Variants in NBEAL1 observed in about 807,000 individuals in gnomAD.
NBEAL1 encodes the protein neurobeachin-like protein 1.
NBEAL1 carries 273 observed loss-of-function variants against 351.3 expected under a neutral mutation model. The observed-to-expected ratio is 0.78, with a 90% confidence interval of 0.70 to 0.86. The LOEUF is 0.86. NBEAL1 is among the 40% of genes least tolerant of loss of function. NBEAL1 has a pLI of 0.00. For synonymous variants in NBEAL1, 1,050 were observed against 1,086.4 expected (o/e 0.97, Z 0.66); for missense variants, 2,961 against 3,201.3 (o/e 0.92, Z 1.81).
chr2:203,029,856 A>G (rs774915803), intron 2 of NBEAL1, among the ~76,000 whole-genome samples: 9 of 152,032 alleles, frequency 5.9e-5, no homozygotes, highest in Non-Finnish European at 1.3e-4. Flanking sequence ...CTTGGATGTG[A>G]TGGGTTTTCC....
At chr2:203,061,297 A>T (rs900861340) in intron 6 of NBEAL1, 1 of 152,170 alleles carries the variant, frequency 6.6e-6, no homozygotes, top group African/African-American at 2.4e-5. Flanking sequence ...GGAAAATTGC[A>T]TGTTTTCCAA....
At chr2:203,185,622 G>A (rs1043484934) in intron 44 of NBEAL1, among the ~76,000 whole-genome samples, 5 of 152,184 alleles carry the variant, frequency 3.3e-5, no homozygotes, top group African/African-American at 1.2e-4. Context: ...CTTGCTTGAG[G>A]TTCTCATGCA....
intron 4 of NBEAL1, among the ~76,000 whole-genome samples, chr2:203,055,727 G>A (rs1375083871): frequency 6.6e-6 from 1 of 152,070 alleles, no homozygotes; most frequent in Non-Finnish European, 1.5e-5. Flanking sequence ...AATGAACGTT[G>A]CTTTTTTATT....
intron 33 of NBEAL1, among the ~76,000 whole-genome samples, chr2:203,146,610 T>C (rs991645135): frequency 2.0e-5 from 3 of 152,052 alleles, no homozygotes; most frequent in Non-Finnish European, 2.9e-5. Flanking sequence ...CTTGGTAACA[T>C]AGGGAGACTC....
intron 35 of NBEAL1, among the ~76,000 whole-genome samples, chr2:203,154,303 A>G (rs113295797): frequency 1.3e-5 from 2 of 152,070 alleles, no homozygotes; most frequent in Non-Finnish European, 1.5e-5. Context: ...AAAAAATTAT[A>G]TATTTCAAGG....
At chr2:203,167,844 C>A (rs1321131358) in intron 38 of NBEAL1, among the ~76,000 whole-genome samples, 1 of 152,150 alleles carries the variant, frequency 6.6e-6, no homozygotes, top group African/African-American at 2.4e-5. Flanking sequence ...CGGCCTTCCT[C>A]CCCTCTCTCA....
At chr2:203,084,021 T>TGTGTGTGTGTGTG (rs2061920822) in intron 9 of NBEAL1, among the ~76,000 whole-genome samples, 2 of 150,260 alleles carry the variant, frequency 1.3e-5, no homozygotes, top group African/African-American at 4.9e-5. Context: ...TGTGTGTGTG[T>TGTGTGTGTGTGTG]TTCTCTTCCC....
intron 34 of NBEAL1, among the ~76,000 whole-genome samples, chr2:203,150,958 T>G (rs1173547950): frequency 3.9e-5 from 6 of 152,198 alleles, no homozygotes; most frequent in Admixed American, 3.9e-4. Context: ...ATGTATAAAG[T>G]GCAGCTACGC....
chr2:203,091,447 T>C (rs935690163), intron 10 of NBEAL1, among the ~76,000 whole-genome samples: 3 of 152,222 alleles, frequency 2.0e-5, no homozygotes, highest in Admixed American at 1.3e-4. Flanking sequence ...GAAATATCTC[T>C]TCAAGATACC....
intron 2 of NBEAL1, among the ~76,000 whole-genome samples, chr2:203,024,121 G>A (rs756456594): frequency 9.2e-5 from 14 of 151,528 alleles, no homozygotes; most frequent in East Asian, 1.9e-4. Context: ...GCTTGAGCTC[G>A]GGAGTTTCAG....
chr2:203,070,680 G>C (rs890978488), intron 7 of NBEAL1, among the ~76,000 whole-genome samples: 1 of 152,192 alleles, frequency 6.6e-6, no homozygotes, highest in Non-Finnish European at 1.5e-5. Flanking sequence ...TTTACTTACT[G>C]CAGAAGGCAA....
At chr2:203,141,598 G>A (rs1407656571) in intron 31 of NBEAL1, among the ~76,000 whole-genome samples, 1 of 150,788 alleles carries the variant, frequency 6.6e-6, no homozygotes, top group Admixed American at 6.6e-5. Flanking sequence ...GGCAAGGCTG[G>A]TTTCAAACTC....
intron 7 of NBEAL1, among the ~76,000 whole-genome samples, chr2:203,068,707 T>A (rs2061633626): frequency 6.6e-6 from 1 of 152,054 alleles, no homozygotes; most frequent in Non-Finnish European, 1.5e-5. Flanking sequence ...AATATTTTAA[T>A]GATGGTGGTA....
intron 33 of NBEAL1, among the ~76,000 whole-genome samples, chr2:203,145,485 T>G (rs2063487134): frequency 6.6e-6 from 1 of 152,078 alleles, no homozygotes; most frequent in Non-Finnish European, 1.5e-5. Context: ...GCATCAAATT[T>G]TAAGTTTCTA....
chr2:203,026,297 G>T (rs1240600668), intron 2 of NBEAL1, among the ~76,000 whole-genome samples: 1 of 151,592 alleles, frequency 6.6e-6, no homozygotes, highest in Non-Finnish European at 1.5e-5. Context: ...TTTTTTCTAG[G>T]TCTGCTGATA....
chr2:203,015,335 G>A (rs1485344275), intron 1 of NBEAL1, among the ~76,000 whole-genome samples: 2 of 152,198 alleles, frequency 1.3e-5, no homozygotes, highest in South Asian at 2.1e-4. Flanking sequence ...CTCTTGGATG[G>A]AAAGGTGGAG....
chr2:203,119,716 G>A (rs1404137024), intron 18 of NBEAL1, among the ~76,000 whole-genome samples: 2 of 152,066 alleles, frequency 1.3e-5, no homozygotes, highest in Non-Finnish European at 2.9e-5. Context: ...GTGAGCCACC[G>A]TGCCCGGCCC....
chr2:203,053,017 G>C (rs2061348221), intron 4 of NBEAL1, among the ~76,000 whole-genome samples: 2 of 152,120 alleles, frequency 1.3e-5, no homozygotes, highest in African/African-American at 2.4e-5. Context: ...GTTTTTGGAA[G>C]TTATGAATAA....
chr2:203,084,763 TC>T, intron 10 of NBEAL1, 194 bp downstream of exon 10: 1 of 394,520 alleles, frequency 2.5e-6, no homozygotes. Flanking sequence ...TTAAAGGTAG[TC>T]AAACTGGAAT....
Sources: gnomAD v4.1 joint callset for allele counts (sites outside exome capture counted in the v4.1 genomes callset) on GRCh38, gnomAD v4.1.1 for gene constraint, MANE v1.5 for transcripts, NCBI Gene and HGNC (gene_info 2026-07-23, HGNC 2026-07-21) for gene names.